Variants in UBE3C observed in about 807,000 individuals in gnomAD.
The protein encoded by UBE3C is ubiquitin protein ligase E3C.
A neutral mutation model predicts 129.4 loss-of-function variants in UBE3C; 42 were observed. The observed-to-expected ratio is 0.32, with a 90% CI of 0.25 to 0.42. The LOEUF is 0.42. Ranked by LOEUF, UBE3C falls within the 10% of genes least tolerant of loss-of-function variation. The probability of loss-of-function intolerance (pLI) is 1.00; values close to 1 mark genes in which losing one functional copy is unlikely to be tolerated. For missense variants in UBE3C, 1,049 were observed against 1,319.1 expected (o/e 0.80, Z 3.17); for synonymous variants, 510 against 492.4 (o/e 1.04, Z -0.47).
At chr7:157,206,349 G>A (rs1809433182) in intron 11 of UBE3C, among the ~76,000 whole-genome samples, 1 of 152,008 alleles carries the variant, frequency 6.6e-6, no homozygotes, top group Non-Finnish European at 1.5e-5. Flanking sequence ...TGCAACCTCC[G>A]CTGCTCGGGT....
chr7:157,230,299 G>A (rs996243442), intron 17 of UBE3C, among the ~76,000 whole-genome samples: 2 of 151,916 alleles, frequency 1.3e-5, no homozygotes, highest in African/African-American at 4.8e-5. Context: ...GTAGATCAGG[G>A]TTGTCCAATC....
intron 8 of UBE3C, among the ~76,000 whole-genome samples, chr7:157,183,555 T>C (rs1808725945): frequency 6.6e-6 from 1 of 152,136 alleles, no homozygotes; most frequent in African/African-American, 2.4e-5. Context: ...AACCCTCTGA[T>C]CACTTGGTTT....
intron 8 of UBE3C, among the ~76,000 whole-genome samples, chr7:157,182,820 C>T (rs1808704144): frequency 1.3e-5 from 2 of 152,156 alleles, no homozygotes; most frequent in South Asian, 2.1e-4. Context: ...TCCATCTCAG[C>T]TCACTGCAAC....
rs143756267 is a variant in UBE3C at position 157,246,696 on chromosome 7, C to T, written c.2482-1672C>T. 1.4e-4 allele frequency among the ~76,000 whole-genome samples: 21 copies of T among 152,282 alleles called. No individual in the cohort carries two copies. In the East Asian group the frequency reaches 3.9e-3, roughly 28 times the overall value. ...TCCCTCTCTCTGTCCTTCCTGCCGTCCCTCATTCTCGGGCAAAAATTCCAG... is the reference window on the plus strand; with the variant it reads ...TCCCTCTCTCTGTCCTTCCTGCCGTTCCTCATTCTCGGGCAAAAATTCCAG... On this transcript the variant is annotated intron_variant, in intron 18 of 22. Coordinates refer to ENST00000348165, the MANE Select transcript of UBE3C (RefSeq NM_014671.3).
chr7:157,193,545 C>A (rs1809032664), intron 10 of UBE3C, among the ~76,000 whole-genome samples: 1 of 152,130 alleles, frequency 6.6e-6, no homozygotes, highest in Non-Finnish European at 1.5e-5. Flanking sequence ...AGGATTGTTA[C>A]AGCTAAATAA....
chr7:157,248,994 C>T (rs955759406), intron 19 of UBE3C, among the ~76,000 whole-genome samples: 2 of 152,174 alleles, frequency 1.3e-5, no homozygotes, highest in Non-Finnish European at 1.5e-5. Flanking sequence ...CATTACCCAT[C>T]TGGTTACTTT....
chr7:157,207,011 A>G (rs757479666), intron 11 of UBE3C, among the ~76,000 whole-genome samples: 1 of 152,210 alleles, frequency 6.6e-6, no homozygotes. Flanking sequence ...TGCCTTTATT[A>G]AATATGTTGA....
Position 157,139,682 on chromosome 7 carries a change from C to T in UBE3C, c.66+344C>T, listed in dbSNP as rs192628521. ...GCGCTGGCCGTGGCTCCCTTCCATGCAGGAGGCCGGTGAACCCTGGCACGC... is the reference window on the plus strand; with the variant it reads ...GCGCTGGCCGTGGCTCCCTTCCATGTAGGAGGCCGGTGAACCCTGGCACGC... On this transcript the variant is annotated intron_variant, in intron 1 of 22. Transcript: ENST00000348165. Among the ~76,000 whole-genome samples, 324 of 152,366 alleles carry T rather than the reference C, an allele frequency of 2.1e-3. 2 individuals carry two copies. The highest frequency in any genetic ancestry group is 7.2e-3 in the African/African-American group (299 of 41,598).
intron 1 of UBE3C, 99 bp downstream of exon 1, chr7:157,139,437 G>A: frequency 8.6e-7 from 1 of 1,167,610 alleles, no homozygotes; most frequent in Non-Finnish European, 1.1e-6. Context: ...ACTCGGGGCC[G>A]AGACTTGGGG....
chr7:157,254,732 G>A (rs1796704032), intron 21 of UBE3C, among the ~76,000 whole-genome samples: 1 of 151,892 alleles, frequency 6.6e-6, no homozygotes, highest in South Asian at 2.1e-4. Context: ...TTTTGTAGGG[G>A]TAATGTACAT....
At position 157,207,803 on chromosome 7, in the gene UBE3C, G is replaced by T. The variant is rs888151533; in HGVS notation, c.1677G>T (p.Leu559Phe). 3.7e-6 allele frequency: 6 copies of T among 1,613,908 alleles called. No homozygotes were observed. The highest frequency in any genetic ancestry group is 5.1e-6 in the Non-Finnish European group (6 of 1,180,014). ...ATGCATGCCTGGGGATCATCAAGTTGGCTTATCCAGAAACCAAGCCAGAAG... is the reference window on the plus strand; with the variant it reads ...ATGCATGCCTGGGGATCATCAAGTTTGCTTATCCAGAAACCAAGCCAGAAG... ...LRDACLGIIK[L>F]AYPETKPEVR... The change falls in exon 13 of 23, where the codon TTG (leucine) becomes TTT (phenylalanine). Residue 559 changes from leucine (L) to phenylalanine (F), a missense_variant. Coordinates refer to ENST00000348165, the MANE Select transcript of UBE3C (RefSeq NM_014671.3).
At chr7:157,190,640 T>A (rs1250741346) in intron 10 of UBE3C, among the ~76,000 whole-genome samples, 1 of 152,160 alleles carries the variant, frequency 6.6e-6, no homozygotes, top group Non-Finnish European at 1.5e-5. Context: ...ATTCTCTATG[T>A]CATGGTTTGC....
chr7:157,185,928 A>G (rs1021352321), intron 9 of UBE3C, among the ~76,000 whole-genome samples: 6 of 152,142 alleles, frequency 3.9e-5, no homozygotes, highest in African/African-American at 1.4e-4. Flanking sequence ...CAGACAATAC[A>G]GTCAGCAATA....
intron 4 of UBE3C, 31 bp from the exon 5 acceptor site, chr7:157,174,888 G>T: frequency 6.6e-7 from 1 of 1,511,476 alleles, no homozygotes; most frequent in Non-Finnish European, 9.0e-7. Flanking sequence ...TTTTCATTGA[G>T]AGTTGTATAT....
chr7:157,208,054 ACTTTTTTTTT>A, intron 13 of UBE3C, 119 bp downstream of exon 13: 1 of 114,770 alleles, frequency 8.7e-6, no homozygotes, highest in Non-Finnish European at 1.8e-5. Flanking sequence ...AATTTGCAAG[ACTTTTTTTTT>A]TTTTTTTTTT....
chr7:157,168,952 A>T, intron 2 of UBE3C, 96 bp from the exon 3 acceptor site: 1 of 897,606 alleles, frequency 1.1e-6, no homozygotes, highest in Non-Finnish European at 1.8e-6. Flanking sequence ...TATGTGAATT[A>T]CATAGCTGTT....
At chr7:157,158,070 T>C (rs1807966996) in intron 1 of UBE3C, among the ~76,000 whole-genome samples, 2 of 145,704 alleles carry the variant, frequency 1.4e-5, no homozygotes, top group East Asian at 3.9e-4. Context: ...TTTTTTTTTT[T>C]TTCCTGTAAA....
chr7:157,153,839 C>CA (rs1305118248), intron 1 of UBE3C, among the ~76,000 whole-genome samples: 1 of 151,240 alleles, frequency 6.6e-6, no homozygotes, highest in Non-Finnish European at 1.5e-5. Context: ...AACAAACAAA[C>CA]AAAAAAACGG....
At chr7:157,209,941 G>A (rs745308480) in intron 13 of UBE3C, among the ~76,000 whole-genome samples, 5 of 152,232 alleles carry the variant, frequency 3.3e-5, no homozygotes, top group Non-Finnish European at 5.9e-5. Flanking sequence ...AGCACTTTGG[G>A]AGGCCAAGGC....
Sources: allele counts gnomAD v4.1 joint callset (sites outside exome capture counted in the v4.1 genomes callset), GRCh38; gene constraint gnomAD v4.1.1; transcripts MANE v1.5; gene names NCBI Gene and HGNC (gene_info 2026-07-23, HGNC 2026-07-21).